The following MDGA2 variants were observed in gnomAD, a reference collection of about 807,000 sequenced individuals.
MDGA2 encodes the protein MAM domain containing glycosylphosphatidylinositol anchor 2, also known as MAM domain-containing glycosylphosphatidylinositol anchor protein 2.
MDGA2 carries 40 observed loss-of-function variants against 117.8 expected under a neutral mutation model. The ratio of observed to expected loss-of-function variants is 0.34; its 90% CI spans 0.26 to 0.44. MDGA2 has a LOEUF of 0.44. Ranked by LOEUF, MDGA2 falls within the 20% of genes least tolerant of loss-of-function variation. The probability of loss-of-function intolerance (pLI) is 1.00; values close to 1 mark genes in which losing one functional copy is unlikely to be tolerated. For missense variants in MDGA2, 1,123 were observed against 1,250.6 expected (o/e 0.90, Z 1.54); for synonymous variants, 452 against 439.0 (o/e 1.03, Z -0.37).
At chr14:46,914,944 G>C (rs1489793861) in intron 10 of MDGA2, among the ~76,000 whole-genome samples, 1 of 152,050 alleles carries the variant, frequency 6.6e-6, no homozygotes, top group African/African-American at 2.4e-5. Context: ...ATAATCCTTT[G>C]AATAAAATTT....
chr14:47,312,677 G>GTTTTTTT (rs202227321), intron 1 of MDGA2, among the ~76,000 whole-genome samples: 3 of 126,744 alleles, frequency 2.4e-5, no homozygotes, highest in African/African-American at 8.9e-5. Flanking sequence ...CTAGTTTTTA[G>GTTTTTTT]TTTTTTTTTT....
intron 1 of MDGA2, among the ~76,000 whole-genome samples, chr14:47,665,349 G>A (rs1897924555): frequency 1.3e-5 from 2 of 152,080 alleles, no homozygotes; most frequent in South Asian, 4.1e-4. Flanking sequence ...TAACCTCTTT[G>A]ATTTTACAGC....
chr14:46,935,188 G>C lies in MDGA2; in HGVS notation c.2090-15028C>G, dbSNP rs1214109766. On this transcript the variant is annotated intron_variant, in intron 9 of 16. Coordinates refer to ENST00000399232, the MANE Select transcript of MDGA2 (RefSeq NM_001113498.3). ...GATGTTATTTAATGAGATGGAAGCA[G>C]AAAATGATTAATGTACATTATGCCC... 3.3e-5 allele frequency among the ~76,000 whole-genome samples: 5 copies of C among 152,232 alleles called. No individual in the cohort carries two copies. In the East Asian group the frequency reaches 7.7e-4, roughly 24 times the overall value.
intron 1 of MDGA2, among the ~76,000 whole-genome samples, chr14:47,454,279 T>TTC (rs1594864986): frequency 1.3e-5 from 2 of 152,280 alleles, no homozygotes; most frequent in East Asian, 3.9e-4. Context: ...GTGACAGACT[T>TTC]TCTCTTTCCC....
intron 3 of MDGA2, among the ~76,000 whole-genome samples, chr14:47,214,075 C>T (rs978701159): frequency 6.6e-6 from 1 of 152,078 alleles, no homozygotes; most frequent in Admixed American, 6.6e-5. Context: ...ATCACGAGAA[C>T]TGCATGGAAG....
intron 1 of MDGA2, among the ~76,000 whole-genome samples, chr14:47,465,961 A>AGAT (rs1251048205): frequency 6.6e-6 from 1 of 152,212 alleles, no homozygotes; most frequent in African/African-American, 2.4e-5. Flanking sequence ...TACAAGGTAC[A>AGAT]TATACACCAT....
At chr14:47,099,987 AAGTG>A (rs908459673) in intron 5 of MDGA2, among the ~76,000 whole-genome samples, 15 of 152,026 alleles carry the variant, frequency 9.9e-5, no homozygotes, top group African/African-American at 3.4e-4. Flanking sequence ...GAAAATGAAT[AAGTG>A]AGTAACTACT....
rs559058032 is a variant in MDGA2 at position 47,003,296 on chromosome 14, G to T, written c.1819+31715C>A. Among the ~76,000 whole-genome samples the T allele has an allele frequency of 1.8e-4, 27 of 151,964 alleles. No homozygotes were observed. In the East Asian group the frequency reaches 5.2e-3, roughly 29 times the overall value. ...TGTGTAAGTTGTTAAGTAGACTTAT[G>T]GCTTCATTTTTCACTGGTAAATACC... is the stretch of plus-strand genomic sequence containing the variant. On this transcript the variant is annotated intron_variant, in intron 8 of 16. Transcript: ENST00000399232.
intron 1 of MDGA2, among the ~76,000 whole-genome samples, chr14:47,303,142 T>C (rs1020952672): frequency 6.6e-6 from 1 of 152,160 alleles, no homozygotes; most frequent in African/African-American, 2.4e-5. Context: ...CTGATATATC[T>C]GCAGGAATCC....
chr14:47,106,605 A>G (rs1449017389), intron 5 of MDGA2, among the ~76,000 whole-genome samples: 1 of 152,058 alleles, frequency 6.6e-6, no homozygotes, highest in Non-Finnish European at 1.5e-5. Flanking sequence ...CTTTGGCTCA[A>G]GGCTCTCTGA....
At chr14:46,875,958 T>C (rs1882212105) in intron 12 of MDGA2, among the ~76,000 whole-genome samples, 1 of 151,570 alleles carries the variant, frequency 6.6e-6, no homozygotes, top group East Asian at 1.9e-4. Context: ...AGAGAAAATA[T>C]CTTGTCTTTA....
At chr14:47,093,290 T>C (rs1374392082) in intron 6 of MDGA2, among the ~76,000 whole-genome samples, 1 of 152,094 alleles carries the variant, frequency 6.6e-6, no homozygotes, top group Non-Finnish European at 1.5e-5. Flanking sequence ...TTGAATATAC[T>C]ACAGAACATT....
intron 3 of MDGA2, among the ~76,000 whole-genome samples, chr14:47,199,173 C>T (rs1360226462): frequency 1.3e-5 from 2 of 151,794 alleles, no homozygotes; most frequent in Non-Finnish European, 2.9e-5. Flanking sequence ...TAAAATAAAT[C>T]TCCTCCTCTG....
Position 47,061,325 on chromosome 14 carries a change from C to G in MDGA2, c.1449G>C (p.Thr483=). The G allele has an allele frequency of 6.2e-7, 1 of 1,613,442 alleles. No homozygotes were observed. The highest frequency in any genetic ancestry group is 1.1e-5 in the South Asian group (1 of 91,076). ...IIDLKFTDFG[T]YTCVASLKGG... ...CCTTCAGAGATGCTACACATGTGTA[C>G]GTCCCAAAATCCGTGAATTTTAAAT... The change falls in exon 7 of 17, where the codon ACG becomes ACC. Residue 483 remains threonine (T), a synonymous_variant. Transcript: ENST00000399232.
chr14:47,231,803 G>T (rs1186867507), intron 2 of MDGA2, among the ~76,000 whole-genome samples: 1 of 150,960 alleles, frequency 6.6e-6, no homozygotes, highest in Non-Finnish European at 1.5e-5. Flanking sequence ...AAATAAAAAA[G>T]GTCTGAGAAT....
chr14:46,861,026 T>G (rs1595001107), intron 14 of MDGA2, among the ~76,000 whole-genome samples: 1 of 151,864 alleles, frequency 6.6e-6, no homozygotes, highest in South Asian at 2.1e-4. Context: ...TCTTGAATAA[T>G]AAGAAGTAAT....
At chr14:46,966,847 C>T (rs1037357777) in intron 8 of MDGA2, among the ~76,000 whole-genome samples, 3 of 148,880 alleles carry the variant, frequency 2.0e-5, no homozygotes, top group African/African-American at 7.3e-5. Flanking sequence ...GAGATATCTA[C>T]CTTATTTGGG....
intron 7 of MDGA2, among the ~76,000 whole-genome samples, chr14:47,049,339 T>C (rs947390344): frequency 6.6e-6 from 1 of 152,178 alleles, no homozygotes; most frequent in Non-Finnish European, 1.5e-5. Context: ...TACCAAAATC[T>C]GTAGGTTTTC....
At chr14:47,091,454 T>C (rs1033470301) in intron 6 of MDGA2, among the ~76,000 whole-genome samples, 2 of 152,136 alleles carry the variant, frequency 1.3e-5, no homozygotes, top group Admixed American at 6.6e-5. Flanking sequence ...ATTAGAGATA[T>C]GCTATCTTAA....
Sources: gnomAD v4.1 joint callset for allele counts (sites outside exome capture counted in the v4.1 genomes callset) on GRCh38, gnomAD v4.1.1 for gene constraint, MANE v1.5 for transcripts, NCBI Gene and HGNC (gene_info 2026-07-23, HGNC 2026-07-21) for gene names.